Variants in TRPM8 observed in about 807,000 individuals in gnomAD.
The protein encoded by TRPM8 is transient receptor potential cation channel subfamily M member 8.
In TRPM8, 110 loss-of-function variants were observed where a neutral mutation model predicts 133.7. The observed-to-expected ratio is 0.82, with a 90% CI of 0.70 to 0.96. The LOEUF is 0.96. Among genes scored for constraint, TRPM8 ranks in the 40% least tolerant of loss-of-function variants. The probability of loss-of-function intolerance (pLI) is 0.00; values close to 1 mark genes in which losing one functional copy is unlikely to be tolerated. For missense variants in TRPM8, 1,291 were observed against 1,379.5 expected (o/e 0.94, Z 1.02); for synonymous variants, 535 against 532.3 (o/e 1.01, Z -0.07).
At chr2:233,927,900 T>C (rs1471900466) in intron 2 of TRPM8, among the ~76,000 whole-genome samples, 5 of 69,944 alleles carry the variant, frequency 7.1e-5, no homozygotes, top group Admixed American at 3.5e-4. Flanking sequence ...CTTTCTTTCT[T>C]TCTTTCTTTC....
chr2:233,939,077 A>C lies in TRPM8; in HGVS notation c.428A>C (p.Asn143Thr). ...CAGCACTGGCACCTGAAAACACCCA[A>C]CCTGGTCATTTCTGTGACCGGGGGC... Reference protein sequence around the residue: ...LTQHWHLKTPNLVISVTGGAK... With the variant: ...LTQHWHLKTPTLVISVTGGAK... The change falls in exon 5 of 26, where the codon AAC (asparagine) becomes ACC (threonine). Residue 143 changes from asparagine (N) to threonine (T), a missense_variant. By Grantham distance (65) the Asn-to-Thr change is moderately conservative. Transcript: ENST00000324695. 6.2e-7 allele frequency: 1 copy of C among 1,614,022 alleles called. No homozygotes were observed.
chr2:233,983,411 T>G, intron 20 of TRPM8, 187 bp downstream of exon 20: 1 of 634,546 alleles, frequency 1.6e-6, no homozygotes. Flanking sequence ...ACATCAGCCT[T>G]GCAGATGGTG....
In TRPM8 at chr2:233,937,509, G is replaced by C; in HGVS notation, c.348G>C (p.Lys116Asn). 6.2e-7 allele frequency: 1 copy of C among 1,611,278 alleles called. No homozygotes were observed. The highest frequency in any genetic ancestry group is 8.5e-7 in the Non-Finnish European group (1 of 1,178,666). ...IQFETLGKKGKYIRLSCDTDA... is the reference protein window; with the variant it reads ...IQFETLGKKGNYIRLSCDTDA... The stretch of plus-strand genomic sequence containing the variant: ...TTGAGACACTGGGGAAGAAAGGGAA[G>C]GTAAGCAATGGTTTTCTACTTTGGC... The change falls in exon 4 of 26, where the codon AAG becomes AAC. Residue 116 changes from lysine to asparagine, a missense_variant and splice_region_variant. Around this residue, in one of 2 missense-constraint regions of TRPM8, gnomAD observed 963 missense variants for 968.9 expected, o/e 0.99. Coordinates refer to ENST00000324695, the MANE Select transcript of TRPM8 (RefSeq NM_024080.5).
intron 24 of TRPM8, among the ~76,000 whole-genome samples, chr2:234,008,376 C>T (rs1035607776): frequency 2.0e-5 from 3 of 152,152 alleles, no homozygotes; most frequent in African/African-American, 7.2e-5. Context: ...GCTGTGGAGG[C>T]AGGTGAAGAT....
chr2:233,983,960 C>A (rs115985652), intron 20 of TRPM8, among the ~76,000 whole-genome samples: 1 of 152,262 alleles, frequency 6.6e-6, no homozygotes, highest in African/African-American at 2.4e-5. Flanking sequence ...TCTTCCAAGA[C>A]CTTAGAAACA....
intron 6 of TRPM8, 132 bp downstream of exon 6, chr2:233,942,880 C>A (rs151297094): frequency 1.2e-5 from 12 of 982,294 alleles, no homozygotes; most frequent in Non-Finnish European, 1.8e-5. Context: ...TCAAGGAGTG[C>A]CTTTGGGACC....
intron 11 of TRPM8, among the ~76,000 whole-genome samples, chr2:233,959,983 C>T (rs922318027): frequency 6.7e-6 from 1 of 148,558 alleles, no homozygotes; most frequent in African/African-American, 2.5e-5. Context: ...GGGTTTCACC[C>T]TATTGGCCAG....
intron 21 of TRPM8, among the ~76,000 whole-genome samples, chr2:233,991,940 TCATTTAAGGGAATTTGG>T (rs1692289926): frequency 6.6e-6 from 1 of 152,194 alleles, no homozygotes. Flanking sequence ...GTTTGTAGAA[TCATTTAAGGGAATTTGG>T]CATCTTACTA....
intron 17 of TRPM8, among the ~76,000 whole-genome samples, chr2:233,978,486 T>G (rs1326275997): frequency 6.6e-6 from 1 of 152,182 alleles, no homozygotes; most frequent in Non-Finnish European, 1.5e-5. Flanking sequence ...GGTAGGCATA[T>G]GTATGTTTGG....
Position 233,970,222 on chromosome 2 carries a change from C to T in TRPM8, c.2151C>T (p.Val717=), listed in dbSNP as rs200299679. Residue 717 remains valine (V), a synonymous_variant, in exon 17 of 26, where the codon GTC becomes GTT. Transcript: ENST00000324695. ...TCTCTGGGTCCAGGAAGAAACCTGT[C>T]GACAAGCACAAGAAGCTGCTTTGGT... ...CGFVSFRKKP[V]DKHKKLLWYY... 1.7e-5 allele frequency: 27 copies of T among 1,614,140 alleles called. No individual in the cohort carries two copies. In the South Asian group the frequency reaches 1.8e-4, roughly 11 times the overall value.
chr2:233,964,688 G>T lies in TRPM8; in HGVS notation c.1810G>T (p.Val604Leu). The T allele has an allele frequency of 6.2e-7, 1 of 1,612,718 alleles. No homozygotes were observed. The highest frequency in any genetic ancestry group is 1.1e-5 in the South Asian group (1 of 90,960). Reference protein sequence around the residue: ...ASKLLKTLAKVKNDINAAGES... With the variant: ...ASKLLKTLAKLKNDINAAGES... ...CAAGCTTCTGAAGACTCTGGCCAAA[G>T]TGAAGAACGACATCAATGCTGCTGG... is the stretch of plus-strand genomic sequence containing the variant. The change falls in exon 14 of 26, where the codon GTG becomes TTG. Residue 604 changes from valine to leucine, a missense_variant. This residue lies in a region of TRPM8 where 963 missense variants were observed against 968.9 expected (regional missense o/e 0.99). Coordinates refer to ENST00000324695, the MANE Select transcript of TRPM8 (RefSeq NM_024080.5).
chr2:233,969,858 A>G (rs1276624532), intron 16 of TRPM8, 51 bp downstream of exon 16: 1 of 1,061,828 alleles, frequency 9.4e-7, no homozygotes, highest in South Asian at 1.3e-5. Context: ...CAGTGTGTGT[A>G]CATGCATCCA....
chr2:233,949,415 A>G (rs1691122599), intron 8 of TRPM8, among the ~76,000 whole-genome samples: 1 of 152,254 alleles, frequency 6.6e-6, no homozygotes, highest in African/African-American at 2.4e-5. Flanking sequence ...TTATCCAGGA[A>G]GAAAATATAT....
chr2:233,942,456 C>A, intron 5 of TRPM8, 120 bp from the exon 6 acceptor site: 2 of 925,084 alleles, frequency 2.2e-6, no homozygotes, highest in Non-Finnish European at 3.5e-6. Context: ...TACGACATAG[C>A]TGCCAGTGCT....
chr2:234,008,792 ATAG>A (rs1431111608), intron 24 of TRPM8, among the ~76,000 whole-genome samples: 1 of 152,198 alleles, frequency 6.6e-6, no homozygotes, highest in African/African-American at 2.4e-5. Context: ...TACCTTGACC[ATAG>A]TAGAGCCTTA....
At position 233,950,010 on chromosome 2, in the gene TRPM8, T is replaced by A. The variant is rs1424751925; in HGVS notation, c.1004T>A (p.Ile335Asn). Residue 335 changes from isoleucine to asparagine, a missense_variant, in exon 9 of 26, where the codon ATC (isoleucine) becomes AAC (asparagine). By Grantham distance (149) the Ile-to-Asn change is moderately radical. Coordinates refer to ENST00000324695, the MANE Select transcript of TRPM8 (RefSeq NM_024080.5). ...GTGGTGGTGGAAGGCTCGGGCCAGATCGCTGATGTGATCGCTAGCCTGGTG... is the reference window on the plus strand; with the variant it reads ...GTGGTGGTGGAAGGCTCGGGCCAGAACGCTGATGTGATCGCTAGCCTGGTG... ...PCVVVEGSGQ[I>N]ADVIASLVEV... 1 of 1,614,194 alleles carries A rather than the reference T, an allele frequency of 6.2e-7. No homozygotes were observed. Among genetic ancestry groups the A allele is most frequent in the Non-Finnish European group, 8.5e-7 (1 of 1,180,044 alleles).
intron 9 of TRPM8, among the ~76,000 whole-genome samples, chr2:233,952,295 G>T (rs1691188265): frequency 6.6e-6 from 1 of 152,148 alleles, no homozygotes; most frequent in Admixed American, 6.5e-5. Flanking sequence ...ACAGTACAGT[G>T]CATTGTGTAA....
chr2:233,923,306 GT>G (rs1446695487), intron 1 of TRPM8, among the ~76,000 whole-genome samples: 1 of 152,190 alleles, frequency 6.6e-6, no homozygotes, highest in Non-Finnish European at 1.5e-5. Flanking sequence ...GATTTATTCT[GT>G]TGATTTTCTG....
intron 22 of TRPM8, 69 bp downstream of exon 22, chr2:233,996,585 T>G: frequency 2.2e-6 from 3 of 1,369,696 alleles, no homozygotes; most frequent in Non-Finnish European, 3.1e-6. Context: ...ATGCCTGGTG[T>G]GTATCTCAAC....
Sources: allele counts gnomAD v4.1 joint callset (sites outside exome capture counted in the v4.1 genomes callset), GRCh38; gene constraint gnomAD v4.1.1; regional missense constraint gnomAD v4.1.1; transcripts MANE v1.5; gene names NCBI Gene and HGNC (gene_info 2026-07-23, HGNC 2026-07-21).